RNF220: variants seen among roughly 807,000 people sequenced by gnomAD.
RNF220 encodes E3 ubiquitin-protein ligase RNF220.
In RNF220, 7 loss-of-function variants were observed where a neutral mutation model predicts 67.1. That is an observed-to-expected ratio of 0.10 (90% CI 0.06 to 0.20). The LOEUF (loss-of-function observed/expected upper bound fraction) is 0.20. Ranked by LOEUF, RNF220 falls within the 10% of genes least tolerant of loss-of-function variation. The probability of loss-of-function intolerance (pLI) is 1.00; values close to 1 mark genes in which losing one functional copy is unlikely to be tolerated. For synonymous variants in RNF220, 270 were observed against 283.2 expected, an observed-to-expected ratio of 0.95 and a Z score of 0.47; for missense variants, 565 against 740.3, an observed-to-expected ratio of 0.76 and a Z score of 2.75.
chr1:44,620,292 A>C (rs971842374), intron 3 of RNF220, among the ~76,000 whole-genome samples: 1 of 152,234 alleles, frequency 6.6e-6, no homozygotes, highest in Admixed American at 6.5e-5. Flanking sequence ...ATGAGATAAC[A>C]CATGTTAAGG....
intron 2 of RNF220, among the ~76,000 whole-genome samples, chr1:44,604,441 G>A (rs1486468097): frequency 6.6e-6 from 1 of 152,266 alleles, no homozygotes; most frequent in Admixed American, 6.5e-5. Context: ...GACAGAGGCT[G>A]TAGTTATGTT....
At chr1:44,434,623 A>G (rs569759100) in intron 2 of RNF220, among the ~76,000 whole-genome samples, 88 of 151,952 alleles carry the variant, frequency 5.8e-4, no homozygotes, top group Admixed American at 1.4e-3. Context: ...AGGCTGAGGC[A>G]AGAGAATGGC....
chr1:44,492,935 TTA>T (rs974358724), intron 2 of RNF220, among the ~76,000 whole-genome samples: 2 of 151,950 alleles, frequency 1.3e-5, no homozygotes, highest in Non-Finnish European at 2.9e-5. Context: ...TTTTTTTTTT[TTA>T]TATATGGATG....
chr1:44,623,107 G>A (rs1643863179), intron 4 of RNF220, among the ~76,000 whole-genome samples: 2 of 152,136 alleles, frequency 1.3e-5, no homozygotes, highest in African/African-American at 4.8e-5. Context: ...AGACTCAAAG[G>A]AAGAAAGTGA....
At chr1:44,584,738 G>A (rs970224674) in intron 2 of RNF220, among the ~76,000 whole-genome samples, 18 of 152,274 alleles carry the variant, frequency 1.2e-4, no homozygotes, top group Admixed American at 6.5e-4. Flanking sequence ...TCACTCTGTC[G>A]CCTAGGCTGG....
At position 44,649,947 on chromosome 1, in the gene RNF220, T is replaced by G. The variant is rs936779205; in HGVS notation, c.1619T>G (p.Leu540Arg). The change falls in exon 14 of 15, where the codon CTG becomes CGG. Residue 540 changes from leucine (L) to arginine (R), a missense_variant. Coordinates refer to ENST00000361799, the MANE Select transcript of RNF220 (RefSeq NM_018150.4). The surrounding 1 kb of genome is among the most constrained non-coding windows in gnomAD (Gnocchi z 5.9). ...CWHVHCEECW[L>R]RTLGAKKLCP... The stretch of plus-strand genomic sequence containing the variant: ...CACGTGCACTGCGAGGAGTGCTGGC[T>G]GCGGACCCTGGTGAGGTGGCATGGG... 1 of 1,613,794 alleles carries G rather than the reference T, an allele frequency of 6.2e-7. No homozygotes were observed. The highest frequency in any genetic ancestry group is 8.5e-7 in the Non-Finnish European group (1 of 1,179,920).
intron 1 of RNF220, among the ~76,000 whole-genome samples, chr1:44,411,737 C>A (rs1013290720): frequency 3.3e-5 from 5 of 152,068 alleles, no homozygotes; most frequent in Admixed American, 2.6e-4. Context: ...TGGGCTCAGG[C>A]GCATTTCACC....
At chr1:44,648,312 A>G (rs41269061) in intron 12 of RNF220, 35,237 of 152,246 alleles carry the variant, frequency 0.23, 5,316 homozygotes, top group Middle Eastern at 0.34. Context: ...GGGTTTTTGT[A>G]AGGTGTAAAT....
chr1:44,499,011 C>T (rs1657594969), intron 2 of RNF220, among the ~76,000 whole-genome samples: 1 of 152,138 alleles, frequency 6.6e-6, no homozygotes, highest in African/African-American at 2.4e-5. Flanking sequence ...CCAACTTAAA[C>T]ATCCTGCTCT....
At chr1:44,631,327 A>T (rs1644111618) in intron 5 of RNF220, among the ~76,000 whole-genome samples, 2 of 152,250 alleles carry the variant, frequency 1.3e-5, no homozygotes, top group Non-Finnish European at 2.9e-5. Flanking sequence ...CTTTCAATGT[A>T]CACTTTCAGG....
At chr1:44,429,807 A>G (rs2185501) in intron 2 of RNF220, among the ~76,000 whole-genome samples, 140,252 of 152,266 alleles carry the variant, frequency 0.92, 64,644 homozygotes, top group East Asian at 1. Context: ...GGGCCTTTCA[A>G]CAATGTCTGT....
chr1:44,515,901 C>A (rs572307405), intron 2 of RNF220, among the ~76,000 whole-genome samples: 67 of 152,290 alleles, frequency 4.4e-4, no homozygotes, highest in Admixed American at 4.3e-3. Flanking sequence ...AAATACAGTC[C>A]TTTCACCCGG....
intron 2 of RNF220, among the ~76,000 whole-genome samples, chr1:44,563,441 T>C (rs1425600874): frequency 6.6e-6 from 1 of 152,154 alleles, no homozygotes; most frequent in Non-Finnish European, 1.5e-5. Flanking sequence ...ATGGTACCTG[T>C]TTCAAGTCCA....
At chr1:44,494,819 G>GAATTT (rs1176516784) in intron 2 of RNF220, among the ~76,000 whole-genome samples, 1 of 152,132 alleles carries the variant, frequency 6.6e-6, no homozygotes, top group African/African-American at 2.4e-5. Context: ...AAAGTAGATA[G>GAATTT]AATTTAATAA....
intron 2 of RNF220, among the ~76,000 whole-genome samples, chr1:44,434,406 T>G (rs1650728873): frequency 6.6e-6 from 1 of 152,128 alleles, no homozygotes; most frequent in Non-Finnish European, 1.5e-5. Context: ...TTGTGATTTA[T>G]CACTTCAAAA....
chr1:44,578,123 CT>C (rs1197627607), intron 2 of RNF220, among the ~76,000 whole-genome samples: 3 of 127,460 alleles, frequency 2.4e-5, no homozygotes, highest in Non-Finnish European at 4.7e-5. Flanking sequence ...CTGGGATTTT[CT>C]TTCTTTCTTT....
intron 2 of RNF220, among the ~76,000 whole-genome samples, chr1:44,612,079 T>C (rs1449329774): frequency 1.3e-5 from 2 of 152,148 alleles, no homozygotes; most frequent in African/African-American, 4.8e-5. Context: ...CCTCCAGCTG[T>C]CCCCGAGCAT....
intron 2 of RNF220, among the ~76,000 whole-genome samples, chr1:44,427,091 A>G (rs1275397914): frequency 6.6e-6 from 1 of 152,204 alleles, no homozygotes; most frequent in Non-Finnish European, 1.5e-5. Context: ...AATTGATTTA[A>G]TCCTCATAAA....
At chr1:44,566,814 GTCACCCCAGT>G (rs1664057321) in intron 2 of RNF220, among the ~76,000 whole-genome samples, 1 of 152,160 alleles carries the variant, frequency 6.6e-6, no homozygotes, top group Admixed American at 6.5e-5. Context: ...GCCCTTGGAG[GTCACCCCAGT>G]GACCTGTGGT....
Sources: allele counts gnomAD v4.1 joint callset (sites outside exome capture counted in the v4.1 genomes callset), GRCh38; gene constraint gnomAD v4.1.1; non-coding constraint Gnocchi (gnomAD v3.1); transcripts MANE v1.5; gene names NCBI Gene and HGNC (gene_info 2026-07-23, HGNC 2026-07-21).